The following SERAC1 variants were observed in gnomAD, a reference collection of about 807,000 sequenced individuals.
The protein encoded by SERAC1 is serine active site containing 1.
In SERAC1, 36 loss-of-function variants were observed where a neutral mutation model predicts 85.7. That is an observed-to-expected ratio of 0.42 (90% confidence interval 0.32 to 0.55). The LOEUF is 0.55. SERAC1 is among the 20% of genes least tolerant of loss of function. The probability of loss-of-function intolerance (pLI) is 0.11; values close to 1 mark genes in which losing one functional copy is unlikely to be tolerated. For synonymous variants in SERAC1, 242 were observed against 265.3 expected, an observed-to-expected ratio of 0.91 and a Z score of 0.85; for missense variants, 629 against 796.2, an observed-to-expected ratio of 0.79 and a Z score of 2.53.
intron 15 of SERAC1, 102 bp downstream of exon 15, chr6:158,114,687 A>AC (rs757416780): frequency 6.4e-7 from 1 of 1,569,646 alleles, no homozygotes; most frequent in Non-Finnish European, 8.6e-7. Context: ...TTATATACAA[A>AC]TTATAAAATG....
At chr6:158,113,728 T>C (rs1583555823) in intron 15 of SERAC1, 136 bp from the exon 16 acceptor site, 9 of 771,372 alleles carry the variant, frequency 1.2e-5, no homozygotes, top group East Asian at 2.7e-5. Context: ...GTTTATTTTC[T>C]CCCCTGCCAA....
At chr6:158,115,334 A>G (rs190605131) in intron 14 of SERAC1, among the ~76,000 whole-genome samples, 88 of 152,328 alleles carry the variant, frequency 5.8e-4, no homozygotes, top group Non-Finnish European at 9.1e-4. Flanking sequence ...CAGACCGCTG[A>G]TGACCACACT....
Position 158,144,285 on chromosome 6 carries a change from A to G in SERAC1, c.609+14T>C, listed in dbSNP as rs1457211416. 1 of 1,593,190 alleles carries G rather than the reference A, an allele frequency of 6.3e-7. No homozygotes were observed. The highest frequency in any genetic ancestry group is 1.3e-5 in the African/African-American group (1 of 74,280). On this transcript the variant is annotated intron_variant, in intron 7 of 16. Transcript: ENST00000647468. The stretch of plus-strand genomic sequence containing the variant: ...TTTCACTCTCTAAATTACTATTATT[A>G]TTGTTTTACTTACTTCTTTTAAAGA...
At chr6:158,129,205 C>A (rs1784613088) in intron 9 of SERAC1, among the ~76,000 whole-genome samples, 1 of 152,224 alleles carries the variant, frequency 6.6e-6, no homozygotes, top group Non-Finnish European at 1.5e-5. Context: ...GGAGACACCA[C>A]ACTCGAGCAA....
chr6:158,154,679 G>A (rs528475322), intron 3 of SERAC1, among the ~76,000 whole-genome samples: 2 of 152,182 alleles, frequency 1.3e-5, no homozygotes, highest in South Asian at 2.1e-4. Context: ...GATAGGAGAC[G>A]TCCATCTGTT....
At chr6:158,122,725 A>G (rs1249834495) in intron 10 of SERAC1, among the ~76,000 whole-genome samples, 1 of 152,208 alleles carries the variant, frequency 6.6e-6, no homozygotes, top group Non-Finnish European at 1.5e-5. Flanking sequence ...GGTTGCAGGG[A>G]GCCAAGATAG....
At position 158,128,190 on chromosome 6, in the gene SERAC1, G is replaced by A; in HGVS notation, c.933C>T (p.Cys311=). 6.2e-7 allele frequency: 1 copy of A among 1,614,068 alleles called. No homozygotes were observed. The highest frequency in any genetic ancestry group is 8.5e-7 in the Non-Finnish European group (1 of 1,179,952). The change falls in exon 10 of 17, where the codon TGC becomes TGT. Residue 311 remains cysteine, a synonymous_variant. Transcript: ENST00000647468. ...GCATTATATTTCTCTGTACTTTAGG[G>A]CAGTCCTTGTGAAGTCGGTACAGCC... ...LQRLYRLHKD[C]PKVQRNIMRV...
chr6:158,163,857 C>G (rs1785539729), intron 1 of SERAC1, among the ~76,000 whole-genome samples: 1 of 152,028 alleles, frequency 6.6e-6, no homozygotes, highest in Non-Finnish European at 1.5e-5. Context: ...CTGCCTCAGC[C>G]TCCCAAGTAG....
rs1359527820 is a variant in SERAC1 at position 158,117,437 on chromosome 6, C to CTGAT, written c.1403+286_1403+289dup. ...GAACAAAAAAACATCACTTTTACTTCTGATAGAAAAGGAGACTGCTAGACA... is the reference window on the plus strand; with the variant it reads ...GAACAAAAAAACATCACTTTTACTTCTGATTGATAGAAAAGGAGACTGCTAGACA... On this transcript the variant is annotated intron_variant, in intron 13 of 16. Coordinates refer to ENST00000647468, the MANE Select transcript of SERAC1 (RefSeq NM_032861.4). This position sits in a 1 kb window ranked among gnomAD's most constrained non-coding sequence, Gnocchi z 4.3. 4.4e-6 allele frequency: 6 copies of CTGAT among 1,362,364 alleles called. No individual in the cohort carries two copies. Among genetic ancestry groups the CTGAT allele is most frequent in the African/African-American group, 1.5e-5 (1 of 67,932 alleles). 84.4% of individuals were successfully genotyped at this position (1,362,364 alleles called of 1,614,324 possible).
Position 158,144,317 on chromosome 6 carries a change from A to G in SERAC1, c.591T>C (p.Pro197=). Residue 197 remains proline (P), a synonymous_variant, in exon 7 of 17, where the codon CCT becomes CCC. Transcript: ENST00000647468. ...TACTTACTTCTTTTAAAGATGGCAA[A>G]GGAGGTGGTAGGAGAAAAAAGCGAA... is the stretch of plus-strand genomic sequence containing the variant. ...SDLRFFLLPP[P]LPSLKEDSST... is the part of the protein sequence containing the mutation. The G allele has an allele frequency of 6.2e-7, 1 of 1,611,464 alleles. No homozygotes were observed. Among genetic ancestry groups the G allele is most frequent in the South Asian group, 1.1e-5 (1 of 90,594 alleles).
chr6:158,168,196 G>C lies in SERAC1; in HGVS notation c.-58C>G, dbSNP rs911010577. The C allele has an allele frequency of 6.6e-6, 1 of 152,402 alleles. No individual in the cohort carries two copies. The highest frequency in any genetic ancestry group is 2.4e-5 in the African/African-American group (1 of 41,560). The allele number at this position is 152,402 out of a possible 1,614,324, so 9.4% of individuals were successfully genotyped here. The stretch of plus-strand genomic sequence containing the variant: ...CTGCTCGTCGGACCCCGTTGTCTGG[G>C]GAGCCCTACTCTTTCCGCGGCTCCC... On this transcript the variant is annotated 5_prime_UTR_variant, in exon 1 of 17. Coordinates refer to ENST00000647468, the MANE Select transcript of SERAC1 (RefSeq NM_032861.4).
chr6:158,160,368 ACAAATACTAC>A (rs1785461022), intron 1 of SERAC1, among the ~76,000 whole-genome samples: 1 of 152,220 alleles, frequency 6.6e-6, no homozygotes, highest in Admixed American at 6.5e-5. Flanking sequence ...TCTGTGGCAA[ACAAATACTAC>A]CCTTTTTGGG....
intron 10 of SERAC1, among the ~76,000 whole-genome samples, chr6:158,125,960 G>GA (rs1247718737): frequency 2.6e-5 from 4 of 151,996 alleles, no homozygotes; most frequent in Admixed American, 1.3e-4. Context: ...CAAGAAGTCA[G>GA]AAAAAAGAAG....
At position 158,111,314 on chromosome 6, in the gene SERAC1, C is replaced by T. The variant is rs201854885; in HGVS notation, c.*52G>A. 2.6e-4 allele frequency: 385 copies of T among 1,494,010 alleles called. 2 individuals are homozygous for T. The South Asian group carries it at 4.3e-3, about 17-fold the overall frequency. The allele number at this position is 1,494,010 out of a possible 1,614,324, so 92.5% of individuals were successfully genotyped here. On this transcript the variant is annotated 3_prime_UTR_variant, in exon 17 of 17. Coordinates refer to ENST00000647468, the MANE Select transcript of SERAC1 (RefSeq NM_032861.4). ...ATAGAGCTTAAAAGAAGAAACAGAA[C>T]ACCAAGTTTCTTGCACTGAATTCAC...
At chr6:158,128,893 TAAGGG>T (rs1784605835) in intron 9 of SERAC1, among the ~76,000 whole-genome samples, 1 of 152,190 alleles carries the variant, frequency 6.6e-6, no homozygotes, top group Non-Finnish European at 1.5e-5. Context: ...CATATTGAGT[TAAGGG>T]AAGAGAACTG....
At position 158,120,965 on chromosome 6, in the gene SERAC1, T is replaced by A. The variant is rs1018245321; in HGVS notation, c.1016-390A>T. On this transcript the variant is annotated intron_variant, in intron 10 of 16. Transcript: ENST00000647468. The surrounding 1 kb of genome is among the most constrained non-coding windows in gnomAD (Gnocchi z 4.4). ...TGGGTTAATACTAGTTATTTCATCC[T>A]GACCAGCAATCAGTAATACCCTTTC... Among the ~76,000 whole-genome samples the A allele has an allele frequency of 2.0e-5, 3 of 152,262 alleles. No homozygotes were observed. The highest frequency in any genetic ancestry group is 7.2e-5 in the African/African-American group (3 of 41,474).
chr6:158,152,486 A>T (rs1785230259), intron 3 of SERAC1, among the ~76,000 whole-genome samples: 3 of 152,082 alleles, frequency 2.0e-5, no homozygotes, highest in Admixed American at 6.6e-5. Flanking sequence ...ACTACACTCC[A>T]GCCAGGGCGA....
chr6:158,167,220 T>G (rs919311141), intron 1 of SERAC1, among the ~76,000 whole-genome samples: 1 of 92,850 alleles, frequency 1.1e-5, no homozygotes, highest in African/African-American at 4.7e-5. Flanking sequence ...ACACACACGA[T>G]GTTAAAAAAA....
rs942366165 is a variant in SERAC1, at chr6:158,149,083, G to C, written c.266-129C>G. The C allele has an allele frequency of 8.2e-6, 5 of 608,616 alleles. No homozygotes were observed. The East Asian group carries it at 1.3e-4, about 16-fold the overall frequency. 37.7% of individuals were successfully genotyped at this position (608,616 alleles called of 1,614,324 possible). A position where few individuals can be genotyped will look rare whatever the true frequency, so the allele number is the denominator to read the frequency against. On this transcript the variant is annotated intron_variant, in intron 4 of 16. Coordinates refer to ENST00000647468, the MANE Select transcript of SERAC1 (RefSeq NM_032861.4). The stretch of plus-strand genomic sequence containing the variant: ...CGGCTCACTGCAAGCTCTGCCTCCC[G>C]GGTTCACCCCATTCTCCTGCTTCAC...
Sources: allele counts gnomAD v4.1 joint callset (sites outside exome capture counted in the v4.1 genomes callset), GRCh38; gene constraint gnomAD v4.1.1; non-coding constraint Gnocchi (gnomAD v3.1); transcripts MANE v1.5; gene names NCBI Gene and HGNC (gene_info 2026-07-23, HGNC 2026-07-21).